Variants in CNTN4 observed in about 807,000 individuals in gnomAD.
CNTN4 encodes the protein contactin 4, also known as contactin-4.
A neutral mutation model predicts 122.5 loss-of-function variants in CNTN4; 77 were observed. The ratio of observed to expected loss-of-function variants is 0.63; its 90% CI spans 0.52 to 0.76. CNTN4 has a LOEUF of 0.76. Ranked by LOEUF, CNTN4 falls within the 30% of genes least tolerant of loss-of-function variation. CNTN4 has a pLI of 0.00. For missense variants in CNTN4, 1,256 were observed against 1,259.1 expected, an observed-to-expected ratio of 1.00 and a Z score of 0.04; for synonymous variants, 512 against 447.0, an observed-to-expected ratio of 1.15 and a Z score of -1.83.
At chr3:2,257,175 A>T (rs1248731683) in intron 2 of CNTN4, among the ~76,000 whole-genome samples, 2 of 152,222 alleles carry the variant, frequency 1.3e-5, no homozygotes, top group Non-Finnish European at 2.9e-5. Flanking sequence ...CCTGAGAAAG[A>T]CAAGCAATGG....
At chr3:2,544,201 T>A (rs1215274026) in intron 3 of CNTN4, among the ~76,000 whole-genome samples, 1 of 152,146 alleles carries the variant, frequency 6.6e-6, no homozygotes, top group African/African-American at 2.4e-5. Context: ...GAGTGGTGCC[T>A]TTATCTTTTA....
intron 2 of CNTN4, among the ~76,000 whole-genome samples, chr3:2,215,769 G>C (rs1259290702): frequency 6.7e-6 from 1 of 149,608 alleles, no homozygotes; most frequent in Admixed American, 6.8e-5. Flanking sequence ...TGTAGTCCCA[G>C]TTACTTGGGA....
intron 2 of CNTN4, among the ~76,000 whole-genome samples, chr3:2,172,754 T>A (rs944943318): frequency 6.6e-6 from 1 of 152,022 alleles, no homozygotes; most frequent in Admixed American, 6.5e-5. Flanking sequence ...AGACTGACAG[T>A]GGAGATGGAG....
At chr3:2,129,239 C>T (rs916053480) in intron 2 of CNTN4, among the ~76,000 whole-genome samples, 2 of 126,982 alleles carry the variant, frequency 1.6e-5, no homozygotes, top group Admixed American at 1.8e-4. Flanking sequence ...TCCCATAGAA[C>T]ATTGCAAATG....
chr3:2,679,605 A>G (rs564167135), intron 4 of CNTN4, among the ~76,000 whole-genome samples: 1 of 152,238 alleles, frequency 6.6e-6, no homozygotes, highest in East Asian at 1.9e-4. Flanking sequence ...TTTTGTATGT[A>G]TGGGATTATA....
chr3:2,716,002 C>A (rs1201813171), intron 4 of CNTN4, among the ~76,000 whole-genome samples: 2 of 152,090 alleles, frequency 1.3e-5, no homozygotes, highest in Non-Finnish European at 2.9e-5. Flanking sequence ...CTCACTCTGT[C>A]ACCCAGGCTT....
intron 3 of CNTN4, among the ~76,000 whole-genome samples, chr3:2,570,284 C>A (rs1360066082): frequency 1.3e-5 from 2 of 151,954 alleles, no homozygotes; most frequent in Non-Finnish European, 2.9e-5. Context: ...AGCAATCCTC[C>A]TGTCTTAGCC....
chr3:2,383,354 A>G (rs555016448), intron 3 of CNTN4, among the ~76,000 whole-genome samples: 1 of 152,280 alleles, frequency 6.6e-6, no homozygotes, highest in South Asian at 2.1e-4. Context: ...TGATGATGAA[A>G]GTGAGAATGA....
intron 8 of CNTN4, among the ~76,000 whole-genome samples, chr3:2,870,406 C>T (rs1352144092): frequency 6.6e-6 from 1 of 152,128 alleles, no homozygotes; most frequent in Non-Finnish European, 1.5e-5. Context: ...AAAATGGACA[C>T]TCAAACTGTG....
chr3:3,034,248 C>T (rs905559566), intron 16 of CNTN4, among the ~76,000 whole-genome samples: 1 of 152,176 alleles, frequency 6.6e-6, no homozygotes, highest in Non-Finnish European at 1.5e-5. Flanking sequence ...TATCTTTTCT[C>T]ACTACCGTAT....
chr3:2,377,741 G>A (rs2045873264), intron 3 of CNTN4, among the ~76,000 whole-genome samples: 1 of 151,538 alleles, frequency 6.6e-6, no homozygotes, highest in Admixed American at 6.6e-5. Context: ...GTATAAATTT[G>A]TAAACTTTCT....
intron 4 of CNTN4, among the ~76,000 whole-genome samples, chr3:2,623,813 C>T (rs1444826131): frequency 6.6e-6 from 1 of 152,090 alleles, no homozygotes; most frequent in African/African-American, 2.4e-5. Flanking sequence ...AAATCCAGAT[C>T]AGTCAAAAGG....
intron 3 of CNTN4, among the ~76,000 whole-genome samples, chr3:2,480,961 A>T (rs533272508): frequency 6.6e-6 from 1 of 152,326 alleles, no homozygotes; most frequent in South Asian, 2.1e-4. Flanking sequence ...CTAATCTTTG[A>T]CAAAGGAGTA....
chr3:2,505,499 C>T (rs1406562200), intron 3 of CNTN4, among the ~76,000 whole-genome samples: 1 of 152,160 alleles, frequency 6.6e-6, no homozygotes, highest in Non-Finnish European at 1.5e-5. Context: ...TCCTGCCCAA[C>T]AGTTTCAAAG....
intron 3 of CNTN4, among the ~76,000 whole-genome samples, chr3:2,414,773 AT>A (rs2047352822): frequency 6.6e-6 from 1 of 152,166 alleles, no homozygotes; most frequent in South Asian, 2.1e-4. Context: ...ATTCAAAATT[AT>A]TTTTATAAAG....
intron 2 of CNTN4, among the ~76,000 whole-genome samples, chr3:2,303,227 A>G (rs527251860): frequency 4.9e-4 from 74 of 152,330 alleles, no homozygotes; most frequent in Non-Finnish European, 9.0e-4. Context: ...TGAAATTTAT[A>G]TACCATATAG....
At chr3:2,992,844 C>T (rs1297056635) in intron 14 of CNTN4, among the ~76,000 whole-genome samples, 1 of 152,170 alleles carries the variant, frequency 6.6e-6, no homozygotes, top group Non-Finnish European at 1.5e-5. Flanking sequence ...CACCAAAGAA[C>T]TTCGTACATG....
chr3:2,577,936 A>G (rs2079767679), intron 4 of CNTN4, among the ~76,000 whole-genome samples: 1 of 152,176 alleles, frequency 6.6e-6, no homozygotes, highest in African/African-American at 2.4e-5. Context: ...GAGAAAGTGC[A>G]TCCTCTCCAA....
intron 6 of CNTN4, among the ~76,000 whole-genome samples, chr3:2,781,890 A>ATTTTTTTTTG (rs373125249): frequency 8.7e-6 from 1 of 114,730 alleles, no homozygotes; most frequent in South Asian, 2.9e-4. Flanking sequence ...CGCCCGGCTA[A>ATTTTTTTTTG]TTTTTTGTAT....
Sources: gnomAD v4.1 joint callset for allele counts (sites outside exome capture counted in the v4.1 genomes callset) on GRCh38, gnomAD v4.1.1 for gene constraint, MANE v1.5 for transcripts, NCBI Gene and HGNC (gene_info 2026-07-23, HGNC 2026-07-21) for gene names.